The following DIAPH2 variants were observed in gnomAD, a reference collection of about 807,000 sequenced individuals.
DIAPH2 encodes protein diaphanous homolog 2.
Under a neutral mutation model 92.7 loss-of-function variants are expected in DIAPH2, and 35 were observed. The ratio of observed to expected loss-of-function variants is 0.38; its 90% CI spans 0.29 to 0.50. DIAPH2 has a LOEUF of 0.50. Among genes scored for constraint, DIAPH2 ranks in the 20% least tolerant of loss-of-function variants. The probability of loss-of-function intolerance (pLI) is 0.94; values close to 1 mark genes in which losing one functional copy is unlikely to be tolerated. For missense variants in DIAPH2, 701 were observed against 819.5 expected, an observed-to-expected ratio of 0.86 and a Z score of 1.77; for synonymous variants, 301 against 280.4, an observed-to-expected ratio of 1.07 and a Z score of -0.73.
intron 26 of DIAPH2, among the ~76,000 whole-genome samples, chrX:97,588,564 C>T (rs1422551741): frequency 9.1e-6 from 1 of 109,821 alleles, no homozygotes; most frequent in Non-Finnish European, 1.9e-5. Flanking sequence ...GGATTTTTAC[C>T]CATCTGTTTG....
intron 22 of DIAPH2, among the ~76,000 whole-genome samples, chrX:97,177,589 T>C (rs1418173987): frequency 1.8e-5 from 2 of 110,396 alleles, no homozygotes; most frequent in African/African-American, 6.6e-5. Flanking sequence ...GTCTTCCTTT[T>C]TCCTTCATTA....
At chrX:96,829,499 T>C (rs1457762004) in intron 4 of DIAPH2, among the ~76,000 whole-genome samples, 1 of 109,343 alleles carries the variant, frequency 9.1e-6, no homozygotes, top group Non-Finnish European at 1.9e-5. Flanking sequence ...GGTTTTTTTG[T>C]TTGTTTGTTT....
chrX:97,406,945 T>G (rs182703184), intron 25 of DIAPH2, among the ~76,000 whole-genome samples: 155 of 111,802 alleles, frequency 1.4e-3, no homozygotes, highest in African/African-American at 4.7e-3. Flanking sequence ...GAGTAACAGA[T>G]ATTTGTTTTT....
chrX:96,820,371 G>A (rs973043776), intron 4 of DIAPH2, among the ~76,000 whole-genome samples: 3 of 111,659 alleles, frequency 2.7e-5, no homozygotes, highest in Non-Finnish European at 3.8e-5. Context: ...TTGGGGGACC[G>A]AGGTGGGGGG....
intron 23 of DIAPH2, among the ~76,000 whole-genome samples, chrX:97,293,605 T>C (rs1045749713): frequency 8.9e-6 from 1 of 111,947 alleles, no homozygotes; most frequent in Non-Finnish European, 1.9e-5. Context: ...GGGATTTAGA[T>C]ATTTGAAGGC....
rs781125563 is a variant in DIAPH2 at position 97,449,461 on chromosome X, T to C, written c.3241+19716T>C. ...ATTACAAATGCCTTTTGTTTTATGA[T>C]TTTTGTATTAAAGTAATGAAACTAA... On this transcript the variant is annotated intron_variant, in intron 26 of 26. Transcript: ENST00000324765. 4.5e-5 allele frequency among the ~76,000 whole-genome samples: 5 copies of C among 112,301 alleles called. No individual in the cohort carries two copies. The East Asian group carries it at 1.4e-3, about 31-fold the overall frequency.
chrX:97,492,157 G>A (rs1359110658), intron 26 of DIAPH2, among the ~76,000 whole-genome samples: 2 of 111,499 alleles, frequency 1.8e-5, no homozygotes, highest in African/African-American at 6.5e-5. Flanking sequence ...TGTAGTATCC[G>A]GGCTGGGCAC....
intron 25 of DIAPH2, among the ~76,000 whole-genome samples, chrX:97,386,017 T>G (rs960758707): frequency 8.9e-6 from 1 of 111,951 alleles, no homozygotes; most frequent in South Asian, 3.7e-4. Context: ...TAACAATCAT[T>G]ATCAAGTATT....
At position 96,932,605 on chromosome X, in the gene DIAPH2, C is replaced by T. The variant is rs753549120; in HGVS notation, c.1089+1762C>T. ...AAACTTTTTGTGGTACCATGTGCTT[C>T]TTAATTTATATATTCTTTTTTAAAA... is the stretch of plus-strand genomic sequence containing the variant. On this transcript the variant is annotated intron_variant, in intron 10 of 26. Coordinates refer to ENST00000324765, the MANE Select transcript of DIAPH2 (RefSeq NM_006729.5). 7.5e-4 allele frequency among the ~76,000 whole-genome samples: 83 copies of T among 110,208 alleles called. 1 individual carries two copies. The highest frequency in any genetic ancestry group is 2.7e-3 in the African/African-American group (81 of 30,418).
In DIAPH2 at chrX:97,384,062, A is replaced by G. The variant is rs1384646419; in HGVS notation, c.3145+18A>G. 2 of 1,126,138 alleles carry G rather than the reference A, an allele frequency of 1.8e-6. No individual in the cohort carries two copies. The highest frequency in any genetic ancestry group is 2.4e-6 in the Non-Finnish European group (2 of 839,150). 92.8% of individuals were successfully genotyped at this position (1,126,138 alleles called of 1,213,427 possible). A position where few individuals can be genotyped will look rare whatever the true frequency, so the allele number is the denominator to read the frequency against. ...AAACAAAGGTATGAAAATATTTCCAATTTTTACAAAAATGCAAGAAGTACA... is the reference window on the plus strand; with the variant it reads ...AAACAAAGGTATGAAAATATTTCCAGTTTTTACAAAAATGCAAGAAGTACA... On this transcript the variant is annotated intron_variant, in intron 25 of 26. Coordinates refer to ENST00000324765, the MANE Select transcript of DIAPH2 (RefSeq NM_006729.5).
intron 5 of DIAPH2, among the ~76,000 whole-genome samples, chrX:96,893,413 G>A (rs1222415362): frequency 1.8e-5 from 2 of 111,209 alleles, no homozygotes; most frequent in Non-Finnish European, 1.9e-5. Context: ...CCTGATAAAC[G>A]ACATTGCATC....
chrX:97,292,186 A>G (rs1284134273), intron 23 of DIAPH2, among the ~76,000 whole-genome samples: 1 of 107,393 alleles, frequency 9.3e-6, no homozygotes, highest in African/African-American at 3.4e-5. Context: ...ATGACACCAC[A>G]CCAGGCTAAT....
chrX:97,357,472 C>T (rs2069278632), intron 24 of DIAPH2, among the ~76,000 whole-genome samples: 1 of 106,857 alleles, frequency 9.4e-6, no homozygotes, highest in Non-Finnish European at 1.9e-5. Flanking sequence ...CTTCTCCCCC[C>T]TCCTTCCAGT....
chrX:97,162,979 G>C (rs747517511), intron 22 of DIAPH2, among the ~76,000 whole-genome samples: 3 of 110,789 alleles, frequency 2.7e-5, no homozygotes, highest in Non-Finnish European at 5.7e-5. Context: ...TGCTGACTTT[G>C]TATCATAGTG....
chrX:97,505,428 A>C (rs994959978), intron 26 of DIAPH2, among the ~76,000 whole-genome samples: 3 of 112,185 alleles, frequency 2.7e-5, no homozygotes, highest in African/African-American at 9.7e-5. Context: ...CAAACATCTT[A>C]GATTGTGCAG....
chrX:97,072,387 C>T (rs1021357209), intron 17 of DIAPH2, among the ~76,000 whole-genome samples: 5 of 112,590 alleles, frequency 4.4e-5, no homozygotes, highest in African/African-American at 1.6e-4. Context: ...GAACACATTG[C>T]TGAGTCTGTT....
At chrX:97,328,162 G>C (rs929746189) in intron 23 of DIAPH2, among the ~76,000 whole-genome samples, 1 of 111,433 alleles carries the variant, frequency 9.0e-6, no homozygotes, top group Non-Finnish European at 1.9e-5. Flanking sequence ...CGGCCAGGCG[G>C]AGTGTCTCAT....
chrX:97,351,817 CAA>C (rs756813713), intron 24 of DIAPH2, among the ~76,000 whole-genome samples: 1 of 108,826 alleles, frequency 9.2e-6, no homozygotes, highest in Non-Finnish European at 1.9e-5. Flanking sequence ...CAAAACAAAA[CAA>C]AAAAAAGTGA....
At chrX:97,007,314 C>A (rs1460861130) in intron 17 of DIAPH2, among the ~76,000 whole-genome samples, 2 of 111,708 alleles carry the variant, frequency 1.8e-5, no homozygotes, top group African/African-American at 6.5e-5. Flanking sequence ...CATTAATGTC[C>A]TTTTCTTTCT....
Sources: gnomAD v4.1 joint callset for allele counts (sites outside exome capture counted in the v4.1 genomes callset) on GRCh38, gnomAD v4.1.1 for gene constraint, MANE v1.5 for transcripts, NCBI Gene and HGNC (gene_info 2026-07-23, HGNC 2026-07-21) for gene names.